The following ADCY9 variants were observed in gnomAD, a reference collection of about 807,000 sequenced individuals.
ADCY9 encodes the protein adenylate cyclase 9.
In ADCY9, 50 loss-of-function variants were observed where a neutral mutation model predicts 101.5. The ratio of observed to expected loss-of-function variants is 0.49; its 90% CI spans 0.39 to 0.62. The LOEUF (loss-of-function observed/expected upper bound fraction) is 0.62. Among genes scored for constraint, ADCY9 ranks in the 20% least tolerant of loss-of-function variants. The pLI, the probability that ADCY9 is intolerant of heterozygous loss-of-function variation, is 0.00. For missense variants in ADCY9, 1,662 were observed against 1,800.4 expected (o/e 0.92, Z 1.39); for synonymous variants, 905 against 769.3 (o/e 1.18, Z -2.92).
At chr16:4,045,902 GTT>G (rs2056660609) in intron 2 of ADCY9, among the ~76,000 whole-genome samples, 1 of 113,886 alleles carries the variant, frequency 8.8e-6, no homozygotes, top group Non-Finnish European at 1.7e-5. Flanking sequence ...TAGAGATGAG[GTT>G]TCATCATGTT....
At position 4,115,762 on chromosome 16, in the gene ADCY9, C is replaced by T. The variant is rs1387251917; in HGVS notation, c.-116G>A. 5 of 407,080 alleles carry T rather than the reference C, an allele frequency of 1.2e-5. No individual in the cohort carries two copies. The East Asian group carries it at 1.8e-4, about 14-fold the overall frequency. The allele number at this position is 407,080 out of a possible 1,614,324, so 25.2% of individuals were successfully genotyped here. Reference sequence around the variant, plus strand: ...CCGCTTTGCTCGCTCGCCTTCCGCGCCTCTCGCCCCGAGGGTGGCCTCCGC... The same window carrying T: ...CCGCTTTGCTCGCTCGCCTTCCGCGTCTCTCGCCCCGAGGGTGGCCTCCGC... On this transcript the variant is annotated 5_prime_UTR_variant, in exon 1 of 11. Transcript: ENST00000294016. This position sits in a 1 kb window ranked among gnomAD's most constrained non-coding sequence, Gnocchi z 6.2.
intron 2 of ADCY9, among the ~76,000 whole-genome samples, chr16:4,031,385 G>T (rs2141754360): frequency 6.6e-6 from 1 of 152,250 alleles, no homozygotes; most frequent in South Asian, 2.1e-4. Flanking sequence ...ACATACATAT[G>T]TGTGTACTGT....
Position 4,114,020 on chromosome 16 carries a change from G to A in ADCY9, c.1423C>T (p.Gln475Ter). The A allele has an allele frequency of 6.2e-7, 1 of 1,613,840 alleles. No individual in the cohort carries two copies. The highest frequency in any genetic ancestry group is 8.5e-7 in the Non-Finnish European group (1 of 1,180,042). Residue 475 changes from glutamine (Q) to a stop codon, truncating the protein, a stop_gained, in exon 2 of 11, where the codon CAG (glutamine) becomes TAG (stop). Coordinates refer to ENST00000294016, the MANE Select transcript of ADCY9 (RefSeq NM_001116.4). LOFTEE classifies it high-confidence loss of function. The surrounding 1 kb of genome is among the most constrained non-coding windows in gnomAD (Gnocchi z 4.3). ...MGLGMIKAIEQFCQEKKEMVN... is the reference protein window; with the variant it reads ...MGLGMIKAIE ...ATCTCCTTCTTCTCCTGGCAGAACT[G>A]CTCGATGGCCTTGATCATGCCCAGG...
intron 2 of ADCY9, among the ~76,000 whole-genome samples, chr16:4,039,065 TAC>T (rs1311496566): frequency 2.0e-5 from 3 of 152,172 alleles, no homozygotes; most frequent in African/African-American, 7.2e-5. Flanking sequence ...CTAAGCACCT[TAC>T]ACGCATTACC....
chr16:3,998,276 T>A (rs2056303166), intron 3 of ADCY9, among the ~76,000 whole-genome samples: 1 of 151,866 alleles, frequency 6.6e-6, no homozygotes, highest in Non-Finnish European at 1.5e-5. Context: ...CTGGGCACAG[T>A]GGTGTGTGCT....
chr16:3,992,670 A>G lies in ADCY9; in HGVS notation c.1990-307T>C, dbSNP rs2056254842. On this transcript the variant is annotated intron_variant, in intron 4 of 10. Coordinates refer to ENST00000294016, the MANE Select transcript of ADCY9 (RefSeq NM_001116.4). This position sits in a 1 kb window ranked among gnomAD's most constrained non-coding sequence, Gnocchi z 4.2. ...TGGAGGGGAAGGGAGGAAAGTGAGG[A>G]GCCGAGGCCCCCAGAGTCTGCTTAG... is the stretch of plus-strand genomic sequence containing the variant. 6.6e-6 allele frequency among the ~76,000 whole-genome samples: 1 copy of G among 151,990 alleles called. No homozygotes were observed. Among genetic ancestry groups the G allele is most frequent in the Non-Finnish European group, 1.5e-5 (1 of 67,970 alleles).
intron 2 of ADCY9, among the ~76,000 whole-genome samples, chr16:4,111,564 A>T (rs1231923755): frequency 6.6e-6 from 1 of 152,184 alleles, no homozygotes; most frequent in Non-Finnish European, 1.5e-5. Flanking sequence ...GACAGTTTCC[A>T]AAAGGGCCAG....
chr16:4,013,395 T>G (rs1273717462), intron 2 of ADCY9, among the ~76,000 whole-genome samples: 1 of 151,722 alleles, frequency 6.6e-6, no homozygotes, highest in Non-Finnish European at 1.5e-5. Context: ...CACTTCAGCC[T>G]GGGCAACAAG....
intron 2 of ADCY9, among the ~76,000 whole-genome samples, chr16:4,013,651 T>G (rs1311541146): frequency 6.6e-6 from 1 of 152,228 alleles, no homozygotes; most frequent in African/African-American, 2.4e-5. Context: ...TGCATTGCAT[T>G]CTTCCTCACG....
chr16:4,104,840 A>G (rs919917485), intron 2 of ADCY9, among the ~76,000 whole-genome samples: 4 of 152,158 alleles, frequency 2.6e-5, no homozygotes, highest in Admixed American at 1.3e-4. Flanking sequence ...TGTACATTTT[A>G]TCACTCAAAA....
intron 2 of ADCY9, among the ~76,000 whole-genome samples, chr16:4,105,557 G>A (rs1230657822): frequency 1.3e-5 from 2 of 151,576 alleles, no homozygotes; most frequent in Non-Finnish European, 2.9e-5. Context: ...GCATGCATCT[G>A]TAATCCCAGC....
At chr16:4,024,166 G>T (rs980063039) in intron 2 of ADCY9, among the ~76,000 whole-genome samples, 1 of 151,732 alleles carries the variant, frequency 6.6e-6, no homozygotes, top group Non-Finnish European at 1.5e-5. Flanking sequence ...GGGATTACAG[G>T]CACCAACCAC....
chr16:4,108,594 A>T (rs1415530409), intron 2 of ADCY9, among the ~76,000 whole-genome samples: 1 of 151,682 alleles, frequency 6.6e-6, no homozygotes, highest in Non-Finnish European at 1.5e-5. Context: ...GGCTGGTCTC[A>T]AACTCCTGAC....
chr16:3,954,590 G>A (rs1402468212), intron 5 of ADCY9, among the ~76,000 whole-genome samples: 1 of 152,218 alleles, frequency 6.6e-6, no homozygotes, highest in African/African-American at 2.4e-5. Context: ...TCCAGACCAG[G>A]AAAAGCGTCA....
intron 2 of ADCY9, among the ~76,000 whole-genome samples, chr16:4,056,886 G>A (rs2056741694): frequency 6.6e-6 from 1 of 152,176 alleles, no homozygotes; most frequent in Admixed American, 6.6e-5. Context: ...TCTCAAGACA[G>A]TGACCATCAC....
intron 2 of ADCY9, among the ~76,000 whole-genome samples, chr16:4,085,013 G>A (rs145899970): frequency 6.6e-6 from 1 of 152,204 alleles, no homozygotes; most frequent in African/African-American, 2.4e-5. Context: ...TGGTGCCTTA[G>A]GTATAAACAG....
intron 2 of ADCY9, among the ~76,000 whole-genome samples, chr16:4,083,540 A>G (rs1391753581): frequency 1.3e-5 from 2 of 152,270 alleles, no homozygotes; most frequent in African/African-American, 4.8e-5. Flanking sequence ...ATATGTCCAC[A>G]GGAAAACGTG....
Position 4,113,914 on chromosome 16 carries a change from C to G in ADCY9, c.1529G>C (p.Trp510Ser). ...LGMRRFKFDVWSNDVNLANLM... is the reference protein window; with the variant it reads ...LGMRRFKFDVSSNDVNLANLM... ...ATTGGCCAGGTTCACATCGTTGGAC[C>G]ACACGTCAAATTTAAACCTCCTCAT... The change falls in exon 2 of 11, where the codon TGG becomes TCG. Residue 510 changes from tryptophan to serine, a missense_variant. Transcript: ENST00000294016. 6.2e-7 allele frequency: 1 copy of G among 1,614,132 alleles called. No homozygotes were observed. Among genetic ancestry groups the G allele is most frequent in the Non-Finnish European group, 8.5e-7 (1 of 1,180,028 alleles).
intron 2 of ADCY9, among the ~76,000 whole-genome samples, chr16:4,038,946 A>G (rs562567596): frequency 6.6e-6 from 1 of 152,188 alleles, no homozygotes; most frequent in East Asian, 1.9e-4. Flanking sequence ...TTATCACCCC[A>G]TAAGCCTTGC....
Sources: allele counts gnomAD v4.1 joint callset (sites outside exome capture counted in the v4.1 genomes callset), GRCh38; gene constraint gnomAD v4.1.1; non-coding constraint Gnocchi (gnomAD v3.1); transcripts MANE v1.5; gene names NCBI Gene and HGNC (gene_info 2026-07-23, HGNC 2026-07-21).